EPHX2: variants seen among roughly 807,000 people sequenced by gnomAD.
EPHX2 encodes the protein epoxide hydrolase 2.
In EPHX2, 74 loss-of-function variants were observed where a neutral mutation model predicts 78.7. The observed-to-expected ratio is 0.94, with a 90% CI of 0.78 to 1.14. The LOEUF is 1.14. EPHX2 is among the 50% of genes most tolerant of loss of function. The pLI is 0.00. For missense variants in EPHX2, 715 were observed against 702.5 expected (o/e 1.02, Z -0.20); for synonymous variants, 251 against 255.2 (o/e 0.98, Z 0.16).
At chr8:27,522,399 G>T (rs1343792483) in intron 10 of EPHX2, 24 bp from the exon 11 acceptor site, 1 of 1,611,678 alleles carries the variant, frequency 6.2e-7, no homozygotes, top group Non-Finnish European at 8.5e-7. Context: ...CCCACATTCG[G>T]CTCCCTTCTT....
At chr8:27,520,768 T>C in intron 9 of EPHX2, 115 bp from the exon 10 acceptor site, 2 of 1,247,886 alleles carry the variant, frequency 1.6e-6, no homozygotes, top group Non-Finnish European at 1.2e-6. Flanking sequence ...TCTGAGGCCC[T>C]GGGGGTTAGG....
At chr8:27,534,695 A>G (rs958952301) in intron 12 of EPHX2, among the ~76,000 whole-genome samples, 26 of 152,210 alleles carry the variant, frequency 1.7e-4, no homozygotes, top group African/African-American at 6.3e-4. Flanking sequence ...AGCACTGAGG[A>G]CTGCAGGTCG....
At position 27,522,456 on chromosome 8, in the gene EPHX2, TG is replaced by T; in HGVS notation, c.1010del (p.Gly337ValfsTer16). 6.2e-7 allele frequency: 1 copy of T among 1,614,022 alleles called. No homozygotes were observed. The highest frequency in any genetic ancestry group is 8.5e-7 in the Non-Finnish European group (1 of 1,179,968). ...TCAAGCAGTGTTCATTGGCCATGAC[TG>T]GGGTGGCATGCTGGTGTGGTACATG... Reference protein sequence around the residue: ...LSQAVFIGHDWGGMLVWYMAL... With the variant: ...LSQAVFIGHDXGGMLVWYMAL... On this transcript the variant is annotated frameshift_variant, in exon 11 of 19. Coordinates refer to ENST00000521400, the MANE Select transcript of EPHX2 (RefSeq NM_001979.6). LOFTEE classifies it high-confidence loss of function.
At chr8:27,538,993 G>A (rs193184244) in intron 14 of EPHX2, 273 of 384,652 alleles carry the variant, frequency 7.1e-4, no homozygotes, top group African/African-American at 5.1e-3. Flanking sequence ...CCAGGATTGA[G>A]AGCTTACCTC....
chr8:27,522,239 G>T (rs1265300636), intron 10 of EPHX2, among the ~76,000 whole-genome samples, 184 bp from the exon 11 acceptor site: 1 of 152,180 alleles, frequency 6.6e-6, no homozygotes, highest in Non-Finnish European at 1.5e-5. Context: ...TAAAAGGCTG[G>T]CTATTTGTGT....
At chr8:27,530,529 T>A (rs1314145986) in intron 12 of EPHX2, among the ~76,000 whole-genome samples, 1 of 152,192 alleles carries the variant, frequency 6.6e-6, no homozygotes, top group South Asian at 2.1e-4. Flanking sequence ...ATCATGCTGC[T>A]TTTTCATTTA....
At chr8:27,516,917 C>CTTTTTTTTTT (rs145423911) in intron 8 of EPHX2, among the ~76,000 whole-genome samples, 5 of 144,196 alleles carry the variant, frequency 3.5e-5, no homozygotes, top group Non-Finnish European at 4.5e-5. Flanking sequence ...AATTTCCTTC[C>CTTTTTTTTTT]TATTTTTTTT....
chr8:27,498,745 A>T (rs964884670), intron 1 of EPHX2, among the ~76,000 whole-genome samples: 1 of 152,196 alleles, frequency 6.6e-6, no homozygotes, highest in African/African-American at 2.4e-5. Context: ...TGAGGAGCAG[A>T]TACTGAAAGG....
At chr8:27,491,333 C>T (rs1813370187) in intron 1 of EPHX2, 24 bp downstream of exon 1, 3 of 1,449,056 alleles carry the variant, frequency 2.1e-6, no homozygotes, top group Admixed American at 2.6e-5. Context: ...GCGCCGCCGC[C>T]GCAGTGGGTC....
At chr8:27,495,919 G>A (rs1402372779) in intron 1 of EPHX2, among the ~76,000 whole-genome samples, 6 of 152,170 alleles carry the variant, frequency 3.9e-5, no homozygotes. Context: ...GGCTGTTTCT[G>A]CCTCTGGTTC....
At chr8:27,521,022 G>C (rs1215824839) in intron 10 of EPHX2, 113 bp downstream of exon 10, 2 of 1,199,826 alleles carry the variant, frequency 1.7e-6, no homozygotes, top group Non-Finnish European at 2.5e-6. Context: ...GCCCATTTTG[G>C]GGCAGTTTAG....
At chr8:27,509,525 A>G (rs1814155368) in intron 5 of EPHX2, among the ~76,000 whole-genome samples, 1 of 152,022 alleles carries the variant, frequency 6.6e-6, no homozygotes, top group Non-Finnish European at 1.5e-5. Context: ...GCTCACTGCA[A>G]CCTCTGCCTC....
intron 14 of EPHX2, chr8:27,539,326 C>A (rs1326895252): frequency 2.0e-5 from 3 of 152,262 alleles, no homozygotes; most frequent in Non-Finnish European, 4.4e-5. Flanking sequence ...ACGTGCTGAC[C>A]ATCTGTATAA....
At chr8:27,514,123 G>A (rs111454903) in intron 6 of EPHX2, among the ~76,000 whole-genome samples, 254 of 152,198 alleles carry the variant, frequency 1.7e-3, no homozygotes, top group African/African-American at 5.5e-3. Context: ...TTCGAGACCA[G>A]CCTGGGCAAC....
At chr8:27,524,879 C>A (rs952249905) in intron 11 of EPHX2, among the ~76,000 whole-genome samples, 1 of 151,988 alleles carries the variant, frequency 6.6e-6, no homozygotes, top group Non-Finnish European at 1.5e-5. Context: ...TAATGAGCTC[C>A]TTGAGGATAA....
chr8:27,530,762 C>CTTTTTTTTTTTTTTTTTTTTTTTT (rs11343503), intron 12 of EPHX2, among the ~76,000 whole-genome samples: 1 of 127,364 alleles, frequency 7.9e-6, no homozygotes. Flanking sequence ...TAATTTTTTT[C>CTTTTTTTTTTTTTTTTTTTTTTTT]TTTTTTTTTT....
chr8:27,544,392 G>A, intron 18 of EPHX2, 52 bp from the exon 19 acceptor site: 3 of 1,608,504 alleles, frequency 1.9e-6, no homozygotes, highest in South Asian at 2.2e-5. Flanking sequence ...CTGGGTAGGT[G>A]CAGACAAGTG....
At chr8:27,530,380 G>A (rs1048312330) in intron 12 of EPHX2, among the ~76,000 whole-genome samples, 11 of 152,156 alleles carry the variant, frequency 7.2e-5, no homozygotes, top group Admixed American at 2.6e-4. Context: ...GCCCATCAAC[G>A]AGCTACTAAT....
chr8:27,539,741 G>A (rs1026825248), intron 14 of EPHX2, among the ~76,000 whole-genome samples: 7 of 152,238 alleles, frequency 4.6e-5, no homozygotes, highest in African/African-American at 7.2e-5. Context: ...GCTCGCAGAG[G>A]GGCCCTGAGG....
Sources: gnomAD v4.1 joint callset for allele counts (sites outside exome capture counted in the v4.1 genomes callset) on GRCh38, gnomAD v4.1.1 for gene constraint, MANE v1.5 for transcripts, NCBI Gene and HGNC (gene_info 2026-07-23, HGNC 2026-07-21) for gene names.